The following SLC9A9 variants were observed in gnomAD, a reference collection of about 807,000 sequenced individuals.
SLC9A9 encodes the protein sodium/hydrogen exchanger 9.
Under a neutral mutation model 77.8 loss-of-function variants are expected in SLC9A9, and 62 were observed. The ratio of observed to expected loss-of-function variants is 0.80; its 90% confidence interval spans 0.65 to 0.98. The LOEUF (loss-of-function observed/expected upper bound fraction) is 0.98. Ranked by LOEUF, SLC9A9 falls within the 50% of genes least tolerant of loss-of-function variation. The probability of loss-of-function intolerance (pLI) is 0.00; values close to 1 mark genes in which losing one functional copy is unlikely to be tolerated. For synonymous variants in SLC9A9, 320 were observed against 283.5 expected (o/e 1.13, Z -1.29); for missense variants, 775 against 774.9 (o/e 1.00, Z 0.00).
At chr3:143,466,745 C>A (rs1485585257) in intron 12 of SLC9A9, among the ~76,000 whole-genome samples, 1 of 152,170 alleles carries the variant, frequency 6.6e-6, no homozygotes, top group African/African-American at 2.4e-5. Context: ...CCACAGTATA[C>A]CACATTGTAC....
chr3:143,420,621 T>C (rs2034281041), intron 12 of SLC9A9, among the ~76,000 whole-genome samples: 1 of 152,346 alleles, frequency 6.6e-6, no homozygotes, highest in South Asian at 2.1e-4. Flanking sequence ...TATTATTATG[T>C]AATATTCTGG....
intron 5 of SLC9A9, among the ~76,000 whole-genome samples, chr3:143,657,852 G>A (rs574025171): frequency 1.3e-4 from 20 of 152,054 alleles, no homozygotes; most frequent in Admixed American, 1.3e-3. Flanking sequence ...TTTCTAATAT[G>A]GTAAATTTTT....
intron 1 of SLC9A9, among the ~76,000 whole-genome samples, chr3:143,839,644 T>A (rs2009659100): frequency 6.6e-6 from 1 of 152,154 alleles, no homozygotes; most frequent in South Asian, 2.1e-4. Flanking sequence ...ATACACAATG[T>A]ACACACTTCA....
intron 12 of SLC9A9, among the ~76,000 whole-genome samples, chr3:143,450,948 T>C (rs186530147): frequency 1.3e-5 from 2 of 152,226 alleles, no homozygotes; most frequent in Admixed American, 6.5e-5. Flanking sequence ...GTGGGTGCTA[T>C]GCCGGAGAAG....
intron 12 of SLC9A9, among the ~76,000 whole-genome samples, chr3:143,455,928 T>C (rs2035083177): frequency 6.6e-6 from 1 of 151,972 alleles, no homozygotes; most frequent in Non-Finnish European, 1.5e-5. Flanking sequence ...TGGCTAAGAT[T>C]ACCAGGACAA....
chr3:143,463,271 G>T (rs1262026630), intron 12 of SLC9A9, among the ~76,000 whole-genome samples: 1 of 152,182 alleles, frequency 6.6e-6, no homozygotes, highest in African/African-American at 2.4e-5. Context: ...CCCGGGGAAG[G>T]TTTGCACTGT....
At chr3:143,620,828 C>G (rs2038193842) in intron 6 of SLC9A9, among the ~76,000 whole-genome samples, 1 of 152,044 alleles carries the variant, frequency 6.6e-6, no homozygotes, top group South Asian at 2.1e-4. Flanking sequence ...ATTGTCTCAC[C>G]CAGGAAGTAC....
At chr3:143,807,116 G>C (rs556336469) in intron 2 of SLC9A9, among the ~76,000 whole-genome samples, 30 of 152,298 alleles carry the variant, frequency 2.0e-4, no homozygotes, top group Admixed American at 1.6e-3. Flanking sequence ...ATCCCAGCCA[G>C]AGCATAACAC....
At chr3:143,668,405 C>T (rs1210208995) in intron 5 of SLC9A9, among the ~76,000 whole-genome samples, 2 of 151,814 alleles carry the variant, frequency 1.3e-5, no homozygotes, top group East Asian at 3.9e-4. Flanking sequence ...GGGTGCAGCA[C>T]ACCAACATGG....
At chr3:143,649,501 T>C (rs2038762846) in intron 6 of SLC9A9, among the ~76,000 whole-genome samples, 1 of 152,204 alleles carries the variant, frequency 6.6e-6, no homozygotes, top group South Asian at 2.1e-4. Flanking sequence ...AATTTAATTA[T>C]GTTAGGTATC....
At chr3:143,835,332 AAAC>A (rs1293259076) in intron 1 of SLC9A9, among the ~76,000 whole-genome samples, 3 of 152,244 alleles carry the variant, frequency 2.0e-5, no homozygotes, top group Admixed American at 2.0e-4. Context: ...GGTTGAGAAG[AAAC>A]AACATCTTGC....
At chr3:143,508,812 A>G (rs1250331459) in intron 9 of SLC9A9, among the ~76,000 whole-genome samples, 2 of 152,238 alleles carry the variant, frequency 1.3e-5, no homozygotes, top group African/African-American at 4.8e-5. Context: ...AAGATATAAA[A>G]GTAAATATTT....
rs142530401 is a variant in SLC9A9 at position 143,266,816 on chromosome 3, G to A, written c.1824C>T (p.Asp608=). 6.0e-4 allele frequency: 964 copies of A among 1,614,128 alleles called. 7 individuals are homozygous for A. The African/African-American group carries it at 0.011, about 19-fold the overall frequency. Reference sequence around the variant, plus strand: ...CTGGCGTCTGGGGTGAAGCTTTCTGGTCCAGACCTAGCCTTGCAGGAGGAC... The same window carrying A: ...CTGGCGTCTGGGGTGAAGCTTTCTGATCCAGACCTAGCCTTGCAGGAGGAC... ...PCSPPARLGL[D]QKASPQTPGK... The change falls in exon 16 of 16, where the codon GAC becomes GAT. Residue 608 remains aspartate, a synonymous_variant. Transcript: ENST00000316549.
intron 1 of SLC9A9, among the ~76,000 whole-genome samples, chr3:143,832,990 C>A (rs890944995): frequency 6.6e-6 from 1 of 152,134 alleles, no homozygotes; most frequent in Non-Finnish European, 1.5e-5. Context: ...CACCACATTC[C>A]TTTTCATAAA....
chr3:143,667,487 T>C (rs1464989604), intron 5 of SLC9A9, among the ~76,000 whole-genome samples: 2 of 152,196 alleles, frequency 1.3e-5, no homozygotes, highest in Non-Finnish European at 2.9e-5. Context: ...AAATGGGATC[T>C]AATTAAACTA....
rs141700306 is a variant in SLC9A9, at chr3:143,554,570, C to CT, written c.1001-2121dup. Among the ~76,000 whole-genome samples the CT allele has an allele frequency of 3.1e-3, 471 of 152,304 alleles. 2 individuals carry two copies. Among genetic ancestry groups the CT allele is most frequent in the African/African-American group, 9.6e-3 (401 of 41,570 alleles). On this transcript the variant is annotated intron_variant, in intron 8 of 15. Transcript: ENST00000316549. The stretch of plus-strand genomic sequence containing the variant: ...ATAGCTTCCTAACTGGCCTCCCTGC[C>CT]TCCCATGGTAGCCCCTAGCAATAAC...
intron 4 of SLC9A9, among the ~76,000 whole-genome samples, chr3:143,741,112 G>T (rs1410031045): frequency 6.6e-6 from 1 of 152,146 alleles, no homozygotes; most frequent in Non-Finnish European, 1.5e-5. Context: ...TCATCTGAGA[G>T]GGTCTAAAAG....
chr3:143,509,254 T>C (rs905867796), intron 9 of SLC9A9, among the ~76,000 whole-genome samples: 15 of 152,178 alleles, frequency 9.9e-5, no homozygotes, highest in African/African-American at 3.1e-4. Flanking sequence ...AATTGGAGAA[T>C]AGACTATCAG....
intron 9 of SLC9A9, among the ~76,000 whole-genome samples, chr3:143,522,192 C>T (rs1027200262): frequency 2.6e-5 from 4 of 152,148 alleles, no homozygotes; most frequent in Middle Eastern, 3.2e-3. Context: ...CATCTTTCTC[C>T]ATCTAAAACA....
Sources: gnomAD v4.1 joint callset for allele counts (sites outside exome capture counted in the v4.1 genomes callset) on GRCh38, gnomAD v4.1.1 for gene constraint, MANE v1.5 for transcripts, NCBI Gene and HGNC (gene_info 2026-07-23, HGNC 2026-07-21) for gene names.